ANKRD36: variants seen among roughly 807,000 people sequenced by gnomAD.
The protein encoded by ANKRD36 is ankyrin repeat domain-containing protein 36A.
Under a neutral mutation model 278.1 loss-of-function variants are expected in ANKRD36, and 179 were observed. That is an observed-to-expected ratio of 0.64 (90% CI 0.57 to 0.73). ANKRD36 has a LOEUF of 0.73. Ranked by LOEUF, ANKRD36 falls within the 30% of genes least tolerant of loss-of-function variation. ANKRD36 has a pLI of 0.00. For synonymous variants in ANKRD36, 320 were observed against 641.1 expected (o/e 0.50, Z 7.57); for missense variants, 1,159 against 1,956.7 (o/e 0.59, Z 7.69).
chr2:97,190,492 C>A (rs1558619775), intron 34 of ANKRD36, among the ~76,000 whole-genome samples: 1 of 151,778 alleles, frequency 6.6e-6, no homozygotes, highest in South Asian at 2.1e-4. Flanking sequence ...GCGAAGTGTA[C>A]TTTCAAGTGA....
In ANKRD36 at chr2:97,211,698, G is replaced by A. The variant is rs761346692; in HGVS notation, c.3426G>A (p.Pro1142=). ...KAICDKEDSV[P]NMATEKKDEQ... ...TCTGTGACAAGGAAGATTCTGTTCC[G>A]AATATGGCCACGGAAAAAAAGGATG... The change falls in exon 58 of 76, where the codon CCG becomes CCA. Residue 1142 remains proline, a synonymous_variant. Coordinates refer to ENST00000420699, the MANE Select transcript of ANKRD36 (RefSeq NM_001354587.1). The A allele has an allele frequency of 1.9e-5, 30 of 1,594,834 alleles. No individual in the cohort carries two copies. The highest frequency in any genetic ancestry group is 9.4e-5 in the East Asian group (4 of 42,686).
chr2:97,195,399 G>A (rs2059486370), intron 40 of ANKRD36, among the ~76,000 whole-genome samples: 1 of 152,098 alleles, frequency 6.6e-6, no homozygotes, highest in East Asian at 1.9e-4. Flanking sequence ...TGTGGGAAAA[G>A]AGGAAGTCAT....
chr2:97,163,348 A>G (rs2049605007), intron 18 of ANKRD36: 1 of 442,552 alleles, frequency 2.3e-6, no homozygotes, highest in Non-Finnish European at 4.5e-6. Context: ...TTTGTAAATG[A>G]AAATCTGAGT....
At chr2:97,142,175 A>G (rs562771049) in intron 6 of ANKRD36, among the ~76,000 whole-genome samples, 7 of 152,408 alleles carry the variant, frequency 4.6e-5, no homozygotes, top group Admixed American at 2.6e-4. Flanking sequence ...TGTCATCGTA[A>G]TTGTGTACCT....
Position 97,191,155 on chromosome 2 carries a change from T to C in ANKRD36, c.2321T>C (p.Ile774Thr). The change falls in exon 36 of 76, where the codon ATA becomes ACA. Residue 774 changes from isoleucine to threonine, a missense_variant. Physicochemically the swap from Ile to Thr is moderately conservative, Grantham distance 89. Transcript: ENST00000420699. ...TCTGTTTCGAACATAGCCACAGAAA[T>C]AAAGGATGGAGAAAAATCTGGGACA... Reference protein sequence around the residue: ...KDSVSNIATEIKDGEKSGTVS... With the variant: ...KDSVSNIATETKDGEKSGTVS... 1 of 1,597,996 alleles carries C rather than the reference T, an allele frequency of 6.3e-7. No individual in the cohort carries two copies. The highest frequency in any genetic ancestry group is 8.5e-7 in the Non-Finnish European group (1 of 1,172,006).
At chr2:97,136,091 C>A (rs1465350271) in intron 6 of ANKRD36, among the ~76,000 whole-genome samples, 1 of 150,990 alleles carries the variant, frequency 6.6e-6, no homozygotes, top group Non-Finnish European at 1.5e-5. Flanking sequence ...TTGGGACTTC[C>A]AGCCCCACCC....
At chr2:97,185,211 C>G in intron 28 of ANKRD36, 105 bp from the exon 29 acceptor site, 2 of 1,447,946 alleles carry the variant, frequency 1.4e-6, no homozygotes, top group Middle Eastern at 2.4e-4. Context: ...AAAGCCTATA[C>G]TAATACAGGC....
chr2:97,151,000 A>G (rs2045818402), intron 12 of ANKRD36, among the ~76,000 whole-genome samples: 1 of 152,172 alleles, frequency 6.6e-6, no homozygotes, highest in Non-Finnish European at 1.5e-5. Flanking sequence ...TTATTACATA[A>G]GTATTTACAC....
At chr2:97,180,012 G>A in intron 24 of ANKRD36, 79 bp downstream of exon 24, 2 of 1,587,152 alleles carry the variant, frequency 1.3e-6, no homozygotes, top group South Asian at 2.2e-5. Context: ...AATCAGTGGG[G>A]AGTCCATCTA....
At chr2:97,250,603 CA>C (rs1490847827) in intron 75 of ANKRD36, among the ~76,000 whole-genome samples, 1 of 120,664 alleles carries the variant, frequency 8.3e-6, no homozygotes, top group Non-Finnish European at 1.5e-5. Flanking sequence ...GTCACTTGAC[CA>C]GTGACATTTT....
intron 34 of ANKRD36, among the ~76,000 whole-genome samples, chr2:97,190,651 G>A (rs533497865): frequency 5.1e-4 from 77 of 151,610 alleles, no homozygotes; most frequent in African/African-American, 1.7e-3. Context: ...TGATTCTCAC[G>A]TGTATGAGTT....
At chr2:97,206,190 T>G (rs2062807330) in intron 52 of ANKRD36, 55 bp downstream of exon 52, 1 of 1,465,574 alleles carries the variant, frequency 6.8e-7, no homozygotes, top group Non-Finnish European at 9.1e-7. Flanking sequence ...TAAGAAGTTC[T>G]CTTCCCCAAG....
intron 67 of ANKRD36, among the ~76,000 whole-genome samples, chr2:97,225,495 A>G (rs1558921916): frequency 1.3e-5 from 2 of 152,026 alleles, no homozygotes; most frequent in Non-Finnish European, 2.9e-5. Context: ...AAATATTGTT[A>G]AATTTATTAA....
At chr2:97,216,252 C>T (rs1439132151) in intron 62 of ANKRD36, among the ~76,000 whole-genome samples, 1 of 151,854 alleles carries the variant, frequency 6.6e-6, no homozygotes, top group Non-Finnish European at 1.5e-5. Flanking sequence ...CTTCATTGTT[C>T]AAGGAGCTAA....
At chr2:97,202,056 T>G in intron 46 of ANKRD36, 146 bp from the exon 47 acceptor site, 3 of 1,502,064 alleles carry the variant, frequency 2.0e-6, no homozygotes, top group Non-Finnish European at 2.7e-6. Context: ...TCTGTCACGT[T>G]CTAGTCCCCA....
At chr2:97,201,135 A>G (rs2061264697) in intron 46 of ANKRD36, among the ~76,000 whole-genome samples, 1 of 151,916 alleles carries the variant, frequency 6.6e-6, no homozygotes. Flanking sequence ...TGGAAGCAGG[A>G]AACAGTGTTT....
Position 97,164,165 on chromosome 2 carries a change from T to G in ANKRD36, c.1430-118T>G, listed in dbSNP as rs2049992518. Reference sequence around the variant, plus strand: ...AAGAGCAAAGCAACCCAAAGCCTAATGGGTAACAATTTCAAGGGCAAGCAC... The same window carrying G: ...AAGAGCAAAGCAACCCAAAGCCTAAGGGGTAACAATTTCAAGGGCAAGCAC... On this transcript the variant is annotated intron_variant, in intron 18 of 75. Transcript: ENST00000420699. 8.1e-6 allele frequency: 12 copies of G among 1,489,684 alleles called. No individual in the cohort carries two copies. In the East Asian group the frequency reaches 3.0e-4, roughly 37 times the overall value. 92.3% of individuals were successfully genotyped at this position (1,489,684 alleles called of 1,614,324 possible).
At chr2:97,230,545 T>C (rs1244637311) in intron 67 of ANKRD36, among the ~76,000 whole-genome samples, 1 of 152,060 alleles carries the variant, frequency 6.6e-6, no homozygotes, top group Non-Finnish European at 1.5e-5. Flanking sequence ...TCGTCTAAAT[T>C]TTTTTTCAAA....
At chr2:97,145,513 T>G (rs1485595024) in intron 10 of ANKRD36, among the ~76,000 whole-genome samples, 1 of 152,052 alleles carries the variant, frequency 6.6e-6, no homozygotes, top group Non-Finnish European at 1.5e-5. Flanking sequence ...AACAGTTTAG[T>G]GAATAACATG....
Sources: allele counts gnomAD v4.1 joint callset (sites outside exome capture counted in the v4.1 genomes callset), GRCh38; gene constraint gnomAD v4.1.1; transcripts MANE v1.5; gene names NCBI Gene and HGNC (gene_info 2026-07-23, HGNC 2026-07-21).